The following PIK3R2 variants were observed in gnomAD, a reference collection of about 807,000 sequenced individuals.
The protein encoded by PIK3R2 is phosphatidylinositol 3-kinase regulatory subunit beta.
A neutral mutation model predicts 78.5 loss-of-function variants in PIK3R2; 40 were observed. The ratio of observed to expected loss-of-function variants is 0.51; its 90% CI spans 0.40 to 0.66. The LOEUF is 0.66. PIK3R2 is among the 30% of genes least tolerant of loss of function. PIK3R2 has a pLI of 0.00. For missense variants in PIK3R2, 880 were observed against 1,026.6 expected (o/e 0.86, Z 1.95); for synonymous variants, 473 against 457.7 (o/e 1.03, Z -0.43).
rs1304628959 is a variant in PIK3R2, at chr19:18,164,915, G to GA, written c.1417-1235dup. ...CCTCCCAAAGTTAAAAAAAAAAAAA[G>GA]AAAAAAAAAATTTAATAAAATTAAA... On this transcript the variant is annotated intron_variant, in intron 11 of 15. Coordinates refer to ENST00000222254, the MANE Select transcript of PIK3R2 (RefSeq NM_005027.4). Among the ~76,000 whole-genome samples the GA allele has an allele frequency of 1.9e-3, 239 of 125,302 alleles. 2 individuals carry two copies. Among genetic ancestry groups the GA allele is most frequent in the African/African-American group, 6.7e-3 (232 of 34,522 alleles). The allele number at this position is 125,302 out of a possible 152,430, so 82.2% of individuals were successfully genotyped here.
At chr19:18,165,596 G>A (rs1011404695) in intron 11 of PIK3R2, among the ~76,000 whole-genome samples, 1 of 152,128 alleles carries the variant, frequency 6.6e-6, no homozygotes, top group Admixed American at 6.6e-5. Context: ...GACTCCTCAG[G>A]GTTCAAGAGA....
rs1056224197 is a variant in PIK3R2 at position 18,167,291 on chromosome 19, G to A, written c.1721G>A (p.Arg574Gln). The A allele has an allele frequency of 6.2e-7, 1 of 1,600,660 alleles. No individual in the cohort carries two copies. Among genetic ancestry groups the A allele is most frequent in the Non-Finnish European group, 8.5e-7 (1 of 1,174,036 alleles). Residue 574 changes from arginine (R) to glutamine (Q), a missense_variant, in exon 13 of 16, where the codon CGA becomes CAA. This residue lies in a region of PIK3R2 where 268 missense variants were observed against 299.1 expected (regional missense o/e 0.90). Coordinates refer to ENST00000222254, the MANE Select transcript of PIK3R2 (RefSeq NM_005027.4). This position sits in a 1 kb window ranked among gnomAD's most constrained non-coding sequence, Gnocchi z 4.5. ...KPDLMQLRKIRDQYLVWLTQK... is the reference protein window; with the variant it reads ...KPDLMQLRKIQDQYLVWLTQK... Reference sequence around the variant, plus strand: ...GACCTCATGCAGCTGCGCAAGATCCGAGACCAGTACCTCGTGTAAGTGGCG... The same window carrying A: ...GACCTCATGCAGCTGCGCAAGATCCAAGACCAGTACCTCGTGTAAGTGGCG...
At chr19:18,165,859 A>G (rs2043804470) in intron 11 of PIK3R2, among the ~76,000 whole-genome samples, 1 of 152,066 alleles carries the variant, frequency 6.6e-6, no homozygotes, top group Admixed American at 6.6e-5. Context: ...GTAGTGCGGC[A>G]TCTCCCCCAA....
rs1178357021 is a variant in PIK3R2 at position 18,161,397 on chromosome 19, G to C, written c.717G>C (p.Leu239=). The part of the protein sequence containing the change: ...LGRVASRAPA[L]GPAVRALGAT... ...GCGTGGCCAGCCGCGCCCCGGCCCT[G>C]GGTCCCGCGGTCCGGGCCCTGGGCG... is the stretch of plus-strand genomic sequence containing the variant. The change falls in exon 6 of 16, where the codon CTG becomes CTC. Residue 239 remains leucine, a synonymous_variant. Coordinates refer to ENST00000222254, the MANE Select transcript of PIK3R2 (RefSeq NM_005027.4). This position sits in a 1 kb window ranked among gnomAD's most constrained non-coding sequence, Gnocchi z 5.3. 22 of 1,222,150 alleles carry C rather than the reference G, an allele frequency of 1.8e-5. No homozygotes were observed. The highest frequency in any genetic ancestry group is 2.1e-5 in the Non-Finnish European group (21 of 982,880). The allele number at this position is 1,222,150 out of a possible 1,614,324, so 75.7% of individuals were successfully genotyped here.
In PIK3R2 at chr19:18,161,179, C is replaced by T; in HGVS notation, c.592C>T (p.Leu198=). The change falls in exon 5 of 16, where the codon CTG becomes TTG. Residue 198 remains leucine (L), a synonymous_variant. Coordinates refer to ENST00000222254, the MANE Select transcript of PIK3R2 (RefSeq NM_005027.4). The surrounding 1 kb of genome is among the most constrained non-coding windows in gnomAD (Gnocchi z 5.3). ...PEASAEARRA[L]REAAGPVGPA... ...GGCCTCGGCCGAGGCGCGCCGGGCC[C>T]TGCGGGGTGAGCCTGGCGGGTAGCC... 6.5e-7 allele frequency: 1 copy of T among 1,546,678 alleles called. No homozygotes were observed. The highest frequency in any genetic ancestry group is 2.4e-5 in the East Asian group (1 of 40,922).
rs1365373370 is a variant in PIK3R2 at position 18,169,260 on chromosome 19, C to T, written c.2153C>T (p.Ala718Val). ...GTCACCCTGGCGCACCCAGTGCGCG[C>T]CCCGGGCCCCGGCCCGCCGCCTGCC... ...LTVTLAHPVR[A>V]PGPGPPPAAR The change falls in exon 16 of 16, where the codon GCC (alanine) becomes GTC (valine). Residue 718 changes from alanine to valine, a missense_variant. Around this residue, in one of 3 missense-constraint regions of PIK3R2, gnomAD observed 268 missense variants for 299.1 expected, o/e 0.90. Transcript: ENST00000222254. 16 of 1,537,372 alleles carry T rather than the reference C, an allele frequency of 1.0e-5. No homozygotes were observed. In the East Asian group the frequency reaches 3.7e-4, roughly 35 times the overall value.
chr19:18,160,596 C>T (rs1282994517), intron 3 of PIK3R2, 33 bp downstream of exon 3: 2 of 1,516,516 alleles, frequency 1.3e-6, no homozygotes, highest in Non-Finnish European at 1.8e-6. Flanking sequence ...CCCCTGGATT[C>T]TGCTTGCTTA....
Position 18,163,130 on chromosome 19 carries a change from G to T in PIK3R2, c.1273G>T (p.Val425Leu), listed in dbSNP as rs2147953357. The change falls in exon 10 of 16, where the codon GTG becomes TTG. Residue 425 changes from valine (V) to leucine (L), a missense_variant. Val to Leu is a conservative substitution (Grantham distance 32). This residue lies in a region of PIK3R2 where 156 missense variants were observed against 241.0 expected (regional missense o/e 0.65). Coordinates refer to ENST00000222254, the MANE Select transcript of PIK3R2 (RefSeq NM_005027.4). ...GCTGGACACACGGCTCCTCTACCCTGTGTCCAAATACCAGCAGGTCCGTGC... is the reference window on the plus strand; with the variant it reads ...GCTGGACACACGGCTCCTCTACCCTTTGTCCAAATACCAGCAGGTCCGTGC... ...AKLDTRLLYPVSKYQQDQIVK... is the reference protein window; with the variant it reads ...AKLDTRLLYPLSKYQQDQIVK... The T allele has an allele frequency of 6.2e-7, 1 of 1,614,010 alleles. No homozygotes were observed. The highest frequency in any genetic ancestry group is 8.5e-7 in the Non-Finnish European group (1 of 1,179,970).
rs985387252 is a variant in PIK3R2 at position 18,161,721 on chromosome 19, C to T, written c.815+226C>T. 6.6e-6 allele frequency among the ~76,000 whole-genome samples: 1 copy of T among 152,192 alleles called. No homozygotes were observed. Among genetic ancestry groups the T allele is most frequent in the South Asian group, 2.1e-4 (1 of 4,828 alleles). On this transcript the variant is annotated intron_variant, in intron 6 of 15. Transcript: ENST00000222254. The surrounding 1 kb of genome is among the most constrained non-coding windows in gnomAD (Gnocchi z 5.3). Reference sequence around the variant, plus strand: ...GCATGTGGGTGGTGCCTGCACCTTCCCTTCTGCTCGTCGCAGCTCCGGTAC... The same window carrying T: ...GCATGTGGGTGGTGCCTGCACCTTCTCTTCTGCTCGTCGCAGCTCCGGTAC...
At position 18,160,485 on chromosome 19, in the gene PIK3R2, G is replaced by A. The variant is rs754343201; in HGVS notation, c.337G>A (p.Asp113Asn). The part of the protein sequence containing the change: ...GAPEPGLTLP[D>N]LPEQFSPPDV... ...TCCCCCACCAGGCCTCACACTCCCCGACTTGCCCGAGCAGTTCTCCCCACC... is the reference window on the plus strand; with the variant it reads ...TCCCCCACCAGGCCTCACACTCCCCAACTTGCCCGAGCAGTTCTCCCCACC... Residue 113 changes from aspartate (D) to asparagine (N), a missense_variant, in exon 3 of 16, where the codon GAC becomes AAC. Physicochemically the swap from Asp to Asn is conservative, Grantham distance 23. This residue lies in a region of PIK3R2 where 456 missense variants were observed against 486.6 expected (regional missense o/e 0.94). Transcript: ENST00000222254. The A allele has an allele frequency of 3.7e-6, 6 of 1,612,986 alleles. No individual in the cohort carries two copies. The highest frequency in any genetic ancestry group is 1.3e-5 in the African/African-American group (1 of 74,922).
At chr19:18,158,429 T>G (rs1271299449) in intron 2 of PIK3R2, among the ~76,000 whole-genome samples, 1 of 149,684 alleles carries the variant, frequency 6.7e-6, no homozygotes, top group Admixed American at 6.7e-5. Context: ...AGATGGAGGT[T>G]GCAGTGATCC....
At chr19:18,153,991 C>T (rs2043650623) in intron 1 of PIK3R2, among the ~76,000 whole-genome samples, 1 of 152,158 alleles carries the variant, frequency 6.6e-6, no homozygotes. Flanking sequence ...TGGGGTTCCC[C>T]GTGACTGAAG....
Position 18,168,913 on chromosome 19 carries a change from G to T in PIK3R2, c.1979+17G>T. 6.2e-7 allele frequency: 1 copy of T among 1,606,694 alleles called. No individual in the cohort carries two copies. ...CTCCGTGGTGTGAGTGGACCGCAGC[G>T]GTGGGGATTCCCGCGTCCCTCCCAG... On this transcript the variant is annotated intron_variant, in intron 15 of 15. Transcript: ENST00000222254. This position sits in a 1 kb window ranked among gnomAD's most constrained non-coding sequence, Gnocchi z 4.1.
chr19:18,159,179 T>TG (rs1418456080), intron 2 of PIK3R2, among the ~76,000 whole-genome samples: 2 of 113,672 alleles, frequency 1.8e-5, no homozygotes, highest in East Asian at 2.1e-4. Flanking sequence ...ATTTAAGAGA[T>TG]GGGGTCTCAC....
Position 18,169,459 on chromosome 19 carries a change from C to T in PIK3R2, c.*165C>T, listed in dbSNP as rs1370611841. ...ACCCTCTTTCTCTTTCCTTCCCTCC[C>T]CCATTCTCCAGATCTCCCTCTGTCT... is the stretch of plus-strand genomic sequence containing the variant. On this transcript the variant is annotated 3_prime_UTR_variant, in exon 16 of 16. Coordinates refer to ENST00000222254, the MANE Select transcript of PIK3R2 (RefSeq NM_005027.4). The T allele has an allele frequency of 5.5e-6, 2 of 365,554 alleles. No homozygotes were observed. Among genetic ancestry groups the T allele is most frequent in the Non-Finnish European group, 9.8e-6 (2 of 204,610 alleles). 22.6% of individuals were successfully genotyped at this position (365,554 alleles called of 1,614,324 possible).
chr19:18,154,690 G>A (rs1327701778), intron 1 of PIK3R2, among the ~76,000 whole-genome samples: 1 of 152,082 alleles, frequency 6.6e-6, no homozygotes, highest in African/African-American at 2.4e-5. Flanking sequence ...AGATCTAGGT[G>A]TAAGTCCTGG....
chr19:18,161,941 T>C lies in PIK3R2; in HGVS notation c.816-25T>C. 1 of 1,606,442 alleles carries C rather than the reference T, an allele frequency of 6.2e-7. No homozygotes were observed. Among genetic ancestry groups the C allele is most frequent in the South Asian group, 1.1e-5 (1 of 90,920 alleles). ...TGGGCGGACAGGCCCTACCCAGCCC[T>C]CACCACACTCCCCTTCCCCCTAAGG... On this transcript the variant is annotated intron_variant, in intron 6 of 15. Transcript: ENST00000222254. The surrounding 1 kb of genome is among the most constrained non-coding windows in gnomAD (Gnocchi z 5.3).
intron 11 of PIK3R2, among the ~76,000 whole-genome samples, chr19:18,164,367 G>A (rs1464338113): frequency 6.6e-6 from 1 of 151,792 alleles, no homozygotes; most frequent in Non-Finnish European, 1.5e-5. Context: ...ATCATGCCAG[G>A]TGCAGGGCGC....
rs1006232564 is a variant in PIK3R2, at chr19:18,156,575, C to T, written c.322+374C>T. 1.3e-5 allele frequency among the ~76,000 whole-genome samples: 2 copies of T among 152,070 alleles called. No individual in the cohort carries two copies. Among genetic ancestry groups the T allele is most frequent in the Admixed American group, 1.3e-4 (2 of 15,272 alleles). On this transcript the variant is annotated intron_variant, in intron 2 of 15. Coordinates refer to ENST00000222254, the MANE Select transcript of PIK3R2 (RefSeq NM_005027.4). The surrounding 1 kb of genome is among the most constrained non-coding windows in gnomAD (Gnocchi z 4.2). ...GAGGGAGGAAGGGGAGGGCAATGTG[C>T]GCTGGCATGGAGGACTTAGTGGGAT...
Sources: gnomAD v4.1 joint callset for allele counts (sites outside exome capture counted in the v4.1 genomes callset) on GRCh38, gnomAD v4.1.1 for gene constraint, gnomAD v4.1.1 regional missense constraint, Gnocchi (gnomAD v3.1) non-coding constraint, MANE v1.5 for transcripts, NCBI Gene and HGNC (gene_info 2026-07-23, HGNC 2026-07-21) for gene names.